LITAF: variants seen among roughly 807,000 people sequenced by gnomAD.
LITAF encodes lipopolysaccharide-induced tumor necrosis factor-alpha factor.
In LITAF, 9 loss-of-function variants were observed where a neutral mutation model predicts 14.5. That is an observed-to-expected ratio of 0.62 (90% CI 0.37 to 1.08). LITAF has a LOEUF of 1.08. LITAF is among the 50% of genes least tolerant of loss of function. LITAF has a pLI of 0.01. For missense variants in LITAF, 206 were observed against 213.4 expected (o/e 0.97, Z 0.22); for synonymous variants, 98 against 88.2 (o/e 1.11, Z -0.62).
intron 3 of LITAF, among the ~76,000 whole-genome samples, chr16:11,615,551 A>T (rs1465087476): frequency 6.6e-6 from 1 of 151,544 alleles, no homozygotes; most frequent in Non-Finnish European, 1.5e-5. Context: ...AAATAAATAA[A>T]TAGCCAGGTG....
chr16:11,573,899 A>G (rs901365019), intron 1 of LITAF, among the ~76,000 whole-genome samples: 2 of 151,440 alleles, frequency 1.3e-5, no homozygotes, highest in Admixed American at 1.3e-4. Context: ...ATGGGGTTTC[A>G]CCACGTTGGC....
intron 3 of LITAF, among the ~76,000 whole-genome samples, chr16:11,611,673 T>C (rs6498231): frequency 0.33 from 48,994 of 150,734 alleles, 10,243 homozygotes; most frequent in African/African-American, 0.58. Flanking sequence ...TTTCTTTTTT[T>C]TTTTTTTAAG....
At chr16:11,580,258 G>A (rs1456292923) in intron 1 of LITAF, among the ~76,000 whole-genome samples, 2 of 151,736 alleles carry the variant, frequency 1.3e-5, no homozygotes, top group African/African-American at 2.4e-5. Flanking sequence ...ATCAACCAGT[G>A]AAGTTTTTTT....
chr16:11,631,082 G>T (rs532057858), intron 3 of LITAF, among the ~76,000 whole-genome samples: 1 of 152,174 alleles, frequency 6.6e-6, no homozygotes, highest in African/African-American at 2.4e-5. Context: ...TGCCCATAGC[G>T]TGTGGTGGAC....
At chr16:11,622,198 G>A (rs1015454081) in intron 3 of LITAF, among the ~76,000 whole-genome samples, 7 of 152,154 alleles carry the variant, frequency 4.6e-5, no homozygotes, top group Admixed American at 2.6e-4. Context: ...TAAGCCAGGC[G>A]GCATGGCTTG....
At chr16:11,638,257 A>G (rs1239820629), upstream of LITAF, among the ~76,000 whole-genome samples, 3 of 151,386 alleles carry the variant, frequency 2.0e-5, no homozygotes, top group Non-Finnish European at 4.4e-5. Context: ...ACTTCCCCAT[A>G]GGTTTGGGGT....
intron 1 of LITAF, among the ~76,000 whole-genome samples, chr16:11,597,453 G>A (rs2064897115): frequency 6.6e-6 from 1 of 152,092 alleles, no homozygotes; most frequent in East Asian, 1.9e-4. Flanking sequence ...CTCTCTCCCA[G>A]CAACCCTATA....
At position 11,547,729 on chromosome 16, in the gene LITAF, T is replaced by C. The variant is rs1315427642; in HGVS notation, c.*1908A>G. Reference sequence around the variant, plus strand: ...GAGAATGAATGGGGACAGTTCTCTTTTGTGCATTTTATTAAAACTTGAAAG... The same window carrying C: ...GAGAATGAATGGGGACAGTTCTCTTCTGTGCATTTTATTAAAACTTGAAAG... On this transcript the variant is annotated 3_prime_UTR_variant, in exon 4 of 4. Coordinates refer to ENST00000622633, the MANE Select transcript of LITAF (RefSeq NM_001136472.2). 1 of 450,874 alleles carries C rather than the reference T, an allele frequency of 2.2e-6. No homozygotes were observed. Among genetic ancestry groups the C allele is most frequent in the African/African-American group, 2.0e-5 (1 of 49,794 alleles). 27.9% of individuals were successfully genotyped at this position (450,874 alleles called of 1,614,324 possible). A position where few individuals can be genotyped will look rare whatever the true frequency, so the allele number is the denominator to read the frequency against.
At chr16:11,595,371 G>C (rs1040579906) in intron 1 of LITAF, among the ~76,000 whole-genome samples, 15 of 152,156 alleles carry the variant, frequency 9.9e-5, no homozygotes, top group African/African-American at 3.4e-4. Flanking sequence ...AGATGGAGCT[G>C]AAACGGGGTG....
At chr16:11,597,959 T>C (rs1164075667) in intron 1 of LITAF, among the ~76,000 whole-genome samples, 1 of 152,106 alleles carries the variant, frequency 6.6e-6, no homozygotes, top group South Asian at 2.1e-4. Context: ...CAGGCTGGAG[T>C]GCAGTGGCGC....
rs1166543566 is a variant in LITAF at position 11,623,939 on chromosome 16, C to T, written c.85+9594G>A. Among the ~76,000 whole-genome samples the T allele has an allele frequency of 5.3e-5, 8 of 152,020 alleles. No individual in the cohort carries two copies. In the East Asian group the frequency reaches 1.4e-3, roughly 26 times the overall value. On this transcript the variant is annotated intron_variant, in intron 3 of 3. Coordinates refer to the LITAF transcript ENST00000574848. ...CCAAGATCGTGCCATTGCACTCCAG[C>T]CTGGGTGACAAGAGCAAAACTCCAT...
chr16:11,620,747 G>T (rs2065045223), intron 3 of LITAF, among the ~76,000 whole-genome samples: 1 of 152,244 alleles, frequency 6.6e-6, no homozygotes, highest in South Asian at 2.1e-4. Context: ...TGTGGTCAGG[G>T]AGACAGACAA....
rs1294916558 is a variant in LITAF at position 11,567,363 on chromosome 16, T to C, written c.-5-10628A>G. Among the ~76,000 whole-genome samples, 7 of 150,324 alleles carry C rather than the reference T, an allele frequency of 4.7e-5. No homozygotes were observed. In the South Asian group the frequency reaches 1.0e-3, roughly 23 times the overall value. ...TGAGCCCAGGAGATGGAGATTGCAG[T>C]GAGCTGAGATCGTGCCACTGCACTC... is the stretch of plus-strand genomic sequence containing the variant. On this transcript the variant is annotated intron_variant, in intron 1 of 3. Transcript: ENST00000622633.
At chr16:11,587,221 C>T, upstream of LITAF, 1 of 381,268 alleles carries the variant, frequency 2.6e-6, no homozygotes, top group Non-Finnish European at 5.2e-6. Context: ...TCGGTGCCAG[C>T]CCCACCCGTC....
In LITAF at chr16:11,605,089, C is replaced by T. The variant is rs2064948276; in HGVS notation, c.85+28444G>A. Among the ~76,000 whole-genome samples the T allele has an allele frequency of 6.6e-6, 1 of 152,184 alleles. No individual in the cohort carries two copies. On this transcript the variant is annotated intron_variant, in intron 3 of 3. Coordinates refer to the LITAF transcript ENST00000574848. This position sits in a 1 kb window ranked among gnomAD's most constrained non-coding sequence, Gnocchi z 4.7. The stretch of plus-strand genomic sequence containing the variant: ...GGGGCACTTGAATGGGTCCCTCACC[C>T]GTGTGCAGGCCCTCAGGGCTCCCAG...
intron 1 of LITAF, among the ~76,000 whole-genome samples, chr16:11,574,016 T>TG (rs199547104): frequency 0.045 from 6,649 of 147,962 alleles, 202 homozygotes; most frequent in East Asian, 0.13. Context: ...TTTGGTTTTT[T>TG]TTTTGTTGTT....
intron 3 of LITAF, among the ~76,000 whole-genome samples, chr16:11,616,809 G>A (rs1233026425): frequency 6.6e-6 from 1 of 151,672 alleles, no homozygotes; most frequent in African/African-American, 2.4e-5. Flanking sequence ...CTACTCAGGA[G>A]GCTGAGGCAG....
chr16:11,612,016 C>T (rs1055783329), intron 3 of LITAF, among the ~76,000 whole-genome samples: 1 of 152,164 alleles, frequency 6.6e-6, no homozygotes, highest in African/African-American at 2.4e-5. Context: ...GTGACAACAA[C>T]CCCCATCCAA....
At chr16:11,557,895 G>A (rs533312029) in intron 1 of LITAF, among the ~76,000 whole-genome samples, 2 of 152,282 alleles carry the variant, frequency 1.3e-5, no homozygotes, top group Admixed American at 6.5e-5. Context: ...GCTGCTGCTC[G>A]CCTAGAATTA....
Sources: allele counts gnomAD v4.1 joint callset (sites outside exome capture counted in the v4.1 genomes callset), GRCh38; gene constraint gnomAD v4.1.1; non-coding constraint Gnocchi (gnomAD v3.1); transcripts MANE v1.5; gene names NCBI Gene and HGNC (gene_info 2026-07-23, HGNC 2026-07-21).